The following COL13A1 variants were observed in gnomAD, a reference collection of about 807,000 sequenced individuals.
COL13A1 encodes the protein collagen alpha-1(XIII) chain.
Under a neutral mutation model 130.9 loss-of-function variants are expected in COL13A1, and 89 were observed. The ratio of observed to expected loss-of-function variants is 0.68; its 90% CI spans 0.57 to 0.81. The LOEUF (loss-of-function observed/expected upper bound fraction) is 0.81. COL13A1 is among the 30% of genes least tolerant of loss of function. The pLI is 0.00. For missense variants in COL13A1, 879 were observed against 934.6 expected (o/e 0.94, Z 0.78); for synonymous variants, 402 against 341.6 (o/e 1.18, Z -1.95).
chr10:69,866,481 G>A (rs534211584), intron 2 of COL13A1, among the ~76,000 whole-genome samples: 1 of 152,324 alleles, frequency 6.6e-6, no homozygotes, highest in East Asian at 1.9e-4. Flanking sequence ...CAGCTAAGCT[G>A]GCCCCTCTGG....
At chr10:69,927,629 T>A (rs921987510) in intron 27 of COL13A1, among the ~76,000 whole-genome samples, 2 of 152,154 alleles carry the variant, frequency 1.3e-5, no homozygotes, top group Non-Finnish European at 2.9e-5. Context: ...TATTTGTAGT[T>A]AAAATGACTA....
At chr10:69,811,153 C>T (rs907640885) in intron 1 of COL13A1, among the ~76,000 whole-genome samples, 3 of 152,330 alleles carry the variant, frequency 2.0e-5, no homozygotes, top group Admixed American at 6.5e-5. Flanking sequence ...GGGTCATTCT[C>T]CTTTGAGCAT....
intron 2 of COL13A1, among the ~76,000 whole-genome samples, chr10:69,849,097 G>C (rs1054299875): frequency 2.0e-5 from 3 of 152,256 alleles, no homozygotes; most frequent in Non-Finnish European, 4.4e-5. Context: ...CCAAAGAGAA[G>C]TGTTTAAACC....
At chr10:69,920,644 C>A (rs1282021073) in intron 21 of COL13A1, among the ~76,000 whole-genome samples, 1 of 152,220 alleles carries the variant, frequency 6.6e-6, no homozygotes, top group Non-Finnish European at 1.5e-5. Context: ...AGAAAGCTGT[C>A]ATATTCAAGG....
chr10:69,873,397 TC>T (rs1462832145), intron 4 of COL13A1, among the ~76,000 whole-genome samples: 2 of 152,128 alleles, frequency 1.3e-5, no homozygotes, highest in Non-Finnish European at 2.9e-5. Flanking sequence ...GGTGAATCGG[TC>T]CCATGAAATC....
intron 38 of COL13A1, among the ~76,000 whole-genome samples, chr10:69,952,194 C>T (rs2069678170): frequency 6.6e-6 from 1 of 152,222 alleles, no homozygotes; most frequent in Non-Finnish European, 1.5e-5. Flanking sequence ...CACAAGGGGC[C>T]ATCCGTGAGC....
chr10:69,896,976 C>T (rs753286817), intron 13 of COL13A1, among the ~76,000 whole-genome samples: 73 of 152,116 alleles, frequency 4.8e-4, no homozygotes, highest in Non-Finnish European at 9.9e-4. Flanking sequence ...AAAGACAACA[C>T]AACTGCAGAC....
At chr10:69,901,790 CA>C in intron 14 of COL13A1, among the ~76,000 whole-genome samples, 1 of 152,328 alleles carries the variant, frequency 6.6e-6, no homozygotes, top group Non-Finnish European at 1.5e-5. Flanking sequence ...TCTCCTCCTC[CA>C]GGGGGAGCAT....
chr10:69,842,473 G>GCTCTGTAGC (rs1360556761), intron 2 of COL13A1, among the ~76,000 whole-genome samples: 1 of 152,160 alleles, frequency 6.6e-6, no homozygotes, highest in African/African-American at 2.4e-5. Context: ...GGATGTCCAT[G>GCTCTGTAGC]CTCTGTAGCC....
Position 69,802,696 on chromosome 10 carries a change from A to C in COL13A1, c.273A>C (p.Arg91=). The C allele has an allele frequency of 6.2e-7, 1 of 1,612,502 alleles. No homozygotes were observed. The highest frequency in any genetic ancestry group is 1.1e-5 in the South Asian group (1 of 91,058). Residue 91 remains arginine (R), a synonymous_variant, in exon 1 of 41, where the codon CGA becomes CGC. Coordinates refer to ENST00000645393, the MANE Select transcript of COL13A1 (RefSeq NM_001368882.1). ...EQQMETAILG[R]VNQLLDEKWK... ...AAATGGAGACGGCTATTTTGGGACGAGTCAATCAACTGCTGGACGAGGTCT... is the reference window on the plus strand; with the variant it reads ...AAATGGAGACGGCTATTTTGGGACGCGTCAATCAACTGCTGGACGAGGTCT...
At chr10:69,882,979 C>A (rs529736127) in intron 7 of COL13A1, among the ~76,000 whole-genome samples, 1 of 152,250 alleles carries the variant, frequency 6.6e-6, no homozygotes, top group South Asian at 2.1e-4. Context: ...AAGTGGGCAC[C>A]CTTGGTGGCA....
At position 69,941,038 on chromosome 10, in the gene COL13A1, T is replaced by G. The variant is rs1196565173; in HGVS notation, c.1914+15T>G. 2.5e-6 allele frequency: 4 copies of G among 1,613,722 alleles called. No homozygotes were observed. The African/African-American group carries it at 4.0e-5, about 16-fold the overall frequency. On this transcript the variant is annotated intron_variant, in intron 35 of 40. Coordinates refer to ENST00000645393, the MANE Select transcript of COL13A1 (RefSeq NM_001368882.1). ...CTGGGCCACCGGTGAGTGTCACTTC[T>G]CCATCACCCCTCACCCCACTCCACT...
chr10:69,925,873 G>A lies in COL13A1; in HGVS notation c.1398+1G>A. On this transcript the variant is annotated splice_donor_variant, in intron 26 of 40. Transcript: ENST00000645393. LOFTEE classifies it high-confidence loss of function. ...TGGAAACATCAATGAGGCTCTCCAG[G>A]TGAGCAGGGTCCAGCCCAGAGGCCA... The A allele has an allele frequency of 1.3e-6, 2 of 1,589,300 alleles. No individual in the cohort carries two copies. The highest frequency in any genetic ancestry group is 1.2e-5 in the South Asian group (1 of 86,704).
intron 38 of COL13A1, among the ~76,000 whole-genome samples, chr10:69,949,643 A>AG (rs2069086776): frequency 6.6e-6 from 1 of 152,220 alleles, no homozygotes; most frequent in South Asian, 2.1e-4. Flanking sequence ...GAGCTTTCTA[A>AG]GGGACACACA....
At chr10:69,813,629 G>A (rs10823434) in intron 1 of COL13A1, among the ~76,000 whole-genome samples, 40,026 of 151,976 alleles carry the variant, frequency 0.26, 5,587 homozygotes, top group African/African-American at 0.33. Context: ...AGGCACCCCC[G>A]TGGCACCCCC....
At chr10:69,802,809 CTCTCT>C in intron 1 of COL13A1, 92 bp downstream of exon 1, 1 of 1,520,472 alleles carries the variant, frequency 6.6e-7, no homozygotes, top group Non-Finnish European at 9.0e-7. Flanking sequence ...CGGGCGCTCG[CTCTCT>C]GCGAGCCCCA....
rs377506818 is a variant in COL13A1 at position 69,937,716 on chromosome 10, G to C, written c.1878+1G>C. ...AGACCGTGGTCCCCTGGGACTACCCGTAAGTACCTTGGACCCAGCAAGACT... is the reference window on the plus strand; with the variant it reads ...AGACCGTGGTCCCCTGGGACTACCCCTAAGTACCTTGGACCCAGCAAGACT... On this transcript the variant is annotated splice_donor_variant, in intron 34 of 40. Coordinates refer to ENST00000645393, the MANE Select transcript of COL13A1 (RefSeq NM_001368882.1). LOFTEE classifies it high-confidence loss of function. The C allele has an allele frequency of 6.8e-7, 1 of 1,463,936 alleles. No individual in the cohort carries two copies. The highest frequency in any genetic ancestry group is 9.6e-7 in the Non-Finnish European group (1 of 1,043,314). 90.7% of individuals were successfully genotyped at this position (1,463,936 alleles called of 1,614,324 possible).
chr10:69,870,115 C>T (rs1341699271), intron 3 of COL13A1, among the ~76,000 whole-genome samples: 2 of 151,974 alleles, frequency 1.3e-5, no homozygotes, highest in African/African-American at 2.4e-5. Flanking sequence ...AAAATTAGAA[C>T]AGTAATGGTG....
intron 7 of COL13A1, among the ~76,000 whole-genome samples, chr10:69,881,927 G>A (rs370238411): frequency 2.0e-5 from 3 of 152,354 alleles, no homozygotes; most frequent in East Asian, 3.9e-4. Flanking sequence ...CATTCAGCCA[G>A]ACCATCTGGC....
Sources: gnomAD v4.1 joint callset for allele counts (sites outside exome capture counted in the v4.1 genomes callset) on GRCh38, gnomAD v4.1.1 for gene constraint, MANE v1.5 for transcripts, NCBI Gene and HGNC (gene_info 2026-07-23, HGNC 2026-07-21) for gene names.